The following DNAH12 variants were observed in gnomAD, a reference collection of about 807,000 sequenced individuals.
The protein encoded by DNAH12 is dynein axonemal heavy chain 12.
DNAH12 carries 285 observed loss-of-function variants against 371.5 expected under a neutral mutation model. That is an observed-to-expected ratio of 0.77 (90% confidence interval 0.70 to 0.85). The LOEUF (loss-of-function observed/expected upper bound fraction) is 0.85, where lower values mean the gene tolerates loss of function less well. DNAH12 is among the 40% of genes least tolerant of loss of function. The pLI, the probability that DNAH12 is intolerant of heterozygous loss-of-function variation, is 0.00. For missense variants in DNAH12, 3,611 were observed against 3,689.4 expected (o/e 0.98, Z 0.55); for synonymous variants, 1,200 against 1,213.0 (o/e 0.99, Z 0.22).
In DNAH12 at chr3:57,301,958, T is replaced by A. The variant is rs756484190; in HGVS notation, c.11190-19A>T. 8.4e-6 allele frequency: 13 copies of A among 1,547,616 alleles called. No homozygotes were observed. The African/African-American group carries it at 1.2e-4, about 15-fold the overall frequency. ...AATTAAACTGCAATGAAAGAAATTA[T>A]GTCATCAACATATATGATGATATCA... On this transcript the variant is annotated intron_variant, in intron 69 of 73. Transcript: ENST00000495027.
intron 20 of DNAH12, 36 bp downstream of exon 20, chr3:57,459,556 G>C (rs914407244): frequency 7.5e-7 from 1 of 1,327,982 alleles, no homozygotes; most frequent in Non-Finnish European, 9.8e-7. Context: ...AAAAACAAAG[G>C]TTCACCTACT....
intron 2 of DNAH12, among the ~76,000 whole-genome samples, chr3:57,533,771 G>A (rs1260675147): frequency 2.0e-5 from 3 of 152,158 alleles, no homozygotes; most frequent in Admixed American, 6.5e-5. Context: ...TCTTCATGCG[G>A]AAGGAAGGGT....
intron 12 of DNAH12, 43 bp downstream of exon 12, chr3:57,489,465 CT>C (rs2067041609): frequency 1.4e-6 from 2 of 1,449,848 alleles, no homozygotes; most frequent in Non-Finnish European, 1.8e-6. Context: ...CAAAATACTT[CT>C]TTTAGCCATA....
intron 13 of DNAH12, among the ~76,000 whole-genome samples, chr3:57,480,832 C>G (rs1033529937): frequency 6.6e-6 from 1 of 152,158 alleles, no homozygotes; most frequent in Admixed American, 6.5e-5. Flanking sequence ...ATGATTATCT[C>G]AATAGATGCG....
intron 58 of DNAH12, among the ~76,000 whole-genome samples, chr3:57,359,204 A>AC (rs1489436776): frequency 6.6e-6 from 1 of 152,238 alleles, no homozygotes; most frequent in Non-Finnish European, 1.5e-5. Flanking sequence ...AAATATAAAT[A>AC]CATTTTAAAA....
At chr3:57,508,153 C>T (rs2067835584) in intron 7 of DNAH12, among the ~76,000 whole-genome samples, 1 of 146,670 alleles carries the variant, frequency 6.8e-6, no homozygotes, top group East Asian at 2.0e-4. Context: ...CACCATTGCA[C>T]TCCAGCCTGG....
intron 62 of DNAH12, among the ~76,000 whole-genome samples, chr3:57,330,060 A>G (rs2062056190): frequency 1.3e-5 from 2 of 151,796 alleles, no homozygotes; most frequent in Non-Finnish European, 2.9e-5. Context: ...AAGTCAGGAA[A>G]CAACAGGTGC....
rs764543293 is a variant in DNAH12, at chr3:57,428,827, G to GA, written c.5065-7dup. The GA allele has an allele frequency of 1.3e-6, 2 of 1,512,272 alleles. No homozygotes were observed. The highest frequency in any genetic ancestry group is 8.8e-7 in the Non-Finnish European group (1 of 1,133,074). The allele number at this position is 1,512,272 out of a possible 1,614,324, so 93.7% of individuals were successfully genotyped here. On this transcript the variant is annotated splice_polypyrimidine_tract_variant and splice_region_variant and intron_variant, in intron 33 of 73. Coordinates refer to ENST00000495027, the MANE Select transcript of DNAH12 (RefSeq NM_001366028.2). ...CAACGACTTACAGTGGCAGGCTAGAGAAAAAAGGCAACTTTTTGCACTGTT... is the reference window on the plus strand; with the variant it reads ...CAACGACTTACAGTGGCAGGCTAGAGAAAAAAAGGCAACTTTTTGCACTGTT...
At chr3:57,473,115 C>A (rs953961173) in intron 13 of DNAH12, among the ~76,000 whole-genome samples, 3 of 152,030 alleles carry the variant, frequency 2.0e-5, no homozygotes, top group Non-Finnish European at 2.9e-5. Context: ...ACTGACATCA[C>A]CACCTTTTTG....
intron 43 of DNAH12, among the ~76,000 whole-genome samples, chr3:57,401,492 A>G (rs1180893958): frequency 2.1e-5 from 3 of 140,806 alleles, no homozygotes; most frequent in African/African-American, 5.3e-5. Flanking sequence ...TGAACCTGGG[A>G]GGCGAAGATT....
intron 73 of DNAH12, among the ~76,000 whole-genome samples, chr3:57,294,427 A>G (rs908996706): frequency 3.9e-5 from 6 of 152,106 alleles, no homozygotes; most frequent in Non-Finnish European, 8.8e-5. Context: ...TGCCCGCCTC[A>G]GCCTCCCAAA....
At chr3:57,401,513 G>A (rs781794986) in intron 43 of DNAH12, among the ~76,000 whole-genome samples, 3 of 137,966 alleles carry the variant, frequency 2.2e-5, no homozygotes, top group Admixed American at 1.6e-4. Flanking sequence ...GCAGTGAGCC[G>A]AGATTGCACC....
intron 43 of DNAH12, chr3:57,402,251 G>T (rs868988439): frequency 7.6e-6 from 4 of 523,690 alleles, no homozygotes; most frequent in Middle Eastern, 3.5e-4. Flanking sequence ...CTAAATTTTA[G>T]GTTGTAGAAA....
chr3:57,301,449 C>G (rs2107653320), intron 70 of DNAH12, among the ~76,000 whole-genome samples: 1 of 151,986 alleles, frequency 6.6e-6, no homozygotes, highest in East Asian at 1.9e-4. Context: ...TCACATATTA[C>G]ATTGGTTTGG....
chr3:57,441,851 G>A (rs977389489), intron 29 of DNAH12, among the ~76,000 whole-genome samples: 1 of 151,964 alleles, frequency 6.6e-6, no homozygotes, highest in African/African-American at 2.4e-5. Flanking sequence ...GATTCAAGCA[G>A]CATAGCAAAT....
At chr3:57,500,261 G>A (rs987371980) in intron 11 of DNAH12, among the ~76,000 whole-genome samples, 3 of 152,022 alleles carry the variant, frequency 2.0e-5, no homozygotes, top group African/African-American at 4.8e-5. Flanking sequence ...GGCTGGTCTC[G>A]AACTCCTGAC....
chr3:57,383,759 TAAA>T (rs1276621133), intron 49 of DNAH12, among the ~76,000 whole-genome samples: 4 of 132,576 alleles, frequency 3.0e-5, no homozygotes, highest in East Asian at 2.2e-4. Flanking sequence ...GACCCTGTCT[TAAA>T]AAAAAAAAAA....
At chr3:57,540,747 T>C (rs1575757281) in intron 2 of DNAH12, among the ~76,000 whole-genome samples, 1 of 151,966 alleles carries the variant, frequency 6.6e-6, no homozygotes, top group African/African-American at 2.4e-5. Flanking sequence ...CTGGGCAACA[T>C]GGCGAAACCA....
chr3:57,410,427 T>A (rs1168285022), intron 39 of DNAH12, among the ~76,000 whole-genome samples: 1 of 152,192 alleles, frequency 6.6e-6, no homozygotes, highest in Admixed American at 6.6e-5. Flanking sequence ...ATATTGTGTG[T>A]GTTCTGACTG....
Sources: gnomAD v4.1 joint callset for allele counts (sites outside exome capture counted in the v4.1 genomes callset) on GRCh38, gnomAD v4.1.1 for gene constraint, MANE v1.5 for transcripts, NCBI Gene and HGNC (gene_info 2026-07-23, HGNC 2026-07-21) for gene names.